Variants in RFX8 observed in about 807,000 individuals in gnomAD.
RFX8 encodes the protein DNA-binding protein RFX8.
In RFX8, 46 loss-of-function variants were observed where a neutral mutation model predicts 54.6. The ratio of observed to expected loss-of-function variants is 0.84; its 90% CI spans 0.67 to 1.08. The LOEUF is 1.08. Among genes scored for constraint, RFX8 ranks in the 50% least tolerant of loss-of-function variants. The pLI is 0.00. For synonymous variants in RFX8, 192 were observed against 209.5 expected, an observed-to-expected ratio of 0.92 and a Z score of 0.72; for missense variants, 536 against 562.3, an observed-to-expected ratio of 0.95 and a Z score of 0.47.
At chr2:101,468,574 G>A (rs1278223669) in intron 1 of RFX8, among the ~76,000 whole-genome samples, 1 of 151,952 alleles carries the variant, frequency 6.6e-6, no homozygotes, top group Admixed American at 6.6e-5. Flanking sequence ...ACAGGCATGA[G>A]TCACCGTGCA....
chr2:101,458,560 G>T (rs896955068), intron 2 of RFX8, among the ~76,000 whole-genome samples: 9 of 152,166 alleles, frequency 5.9e-5, no homozygotes, highest in Non-Finnish European at 1.3e-4. Context: ...TGGCTTGTAG[G>T]GTTTCTCCCG....
intron 2 of RFX8, among the ~76,000 whole-genome samples, chr2:101,462,743 T>G (rs1284879941): frequency 1.3e-5 from 2 of 152,194 alleles, no homozygotes; most frequent in African/African-American, 4.8e-5. Context: ...TACCCAGGGT[T>G]ACAATCTAAG....
At chr2:101,450,766 C>T in intron 2 of RFX8, 2 of 694,966 alleles carry the variant, frequency 2.9e-6, no homozygotes, top group Non-Finnish European at 4.9e-6. Flanking sequence ...CTAATGAAGA[C>T]TTGGAGTTCT....
rs534409173 is a variant in RFX8, at chr2:101,466,471, C to A, written c.72+306G>T. On this transcript the variant is annotated intron_variant, in intron 2 of 11. Transcript: ENST00000428343. Reference sequence around the variant, plus strand: ...GCTCTCAGAGCTTGGCACTTCTATGCAGGGAATACCATGCCAGCAAACCTG... The same window carrying A: ...GCTCTCAGAGCTTGGCACTTCTATGAAGGGAATACCATGCCAGCAAACCTG... 2.0e-5 allele frequency among the ~76,000 whole-genome samples: 3 copies of A among 152,302 alleles called. No individual in the cohort carries two copies. In the East Asian group the frequency reaches 5.8e-4, roughly 29 times the overall value.
intron 2 of RFX8, among the ~76,000 whole-genome samples, chr2:101,463,058 C>A (rs1393170028): frequency 1.3e-5 from 2 of 152,312 alleles, no homozygotes; most frequent in Non-Finnish European, 2.9e-5. Flanking sequence ...TAATTATTAT[C>A]TGTCCGTCCA....
intron 2 of RFX8, among the ~76,000 whole-genome samples, chr2:101,443,358 T>C (rs62154324): frequency 0.014 from 2,196 of 152,286 alleles, 29 homozygotes; most frequent in Non-Finnish European, 0.025. Flanking sequence ...GTCTCCACCA[T>C]CGTATTTTGA....
At chr2:101,407,329 T>C (rs1244015721) in intron 9 of RFX8, among the ~76,000 whole-genome samples, 3 of 152,216 alleles carry the variant, frequency 2.0e-5, no homozygotes, top group Non-Finnish European at 4.4e-5. Flanking sequence ...AGATGGACTC[T>C]TGGGAGGAGC....
chr2:101,415,147 G>A lies in RFX8; in HGVS notation c.503-235C>T, dbSNP rs539100595. ...TAAGTAACCCCAGCATCTGACATGC[G>A]TGCTACTATGATCTGAATGTGTCCC... On this transcript the variant is annotated intron_variant, in intron 6 of 11. Coordinates refer to ENST00000428343, the MANE Select transcript of RFX8 (RefSeq NM_001145664.2). Among the ~76,000 whole-genome samples, 48 of 152,166 alleles carry A rather than the reference G, an allele frequency of 3.2e-4. No individual in the cohort carries two copies. The South Asian group carries it at 3.9e-3, about 13-fold the overall frequency.
intron 1 of RFX8, among the ~76,000 whole-genome samples, chr2:101,472,124 G>C (rs1183806952): frequency 6.6e-6 from 1 of 152,126 alleles, no homozygotes; most frequent in African/African-American, 2.4e-5. Flanking sequence ...TTTTGAGAGG[G>C]AGTTTCACTC....
intron 2 of RFX8, chr2:101,450,647 G>A (rs1351435701): frequency 2.0e-6 from 3 of 1,513,092 alleles, no homozygotes; most frequent in South Asian, 1.2e-5. Flanking sequence ...AGAAGAAAGA[G>A]CTTTTCTTGA....
At chr2:101,423,516 C>T (rs1686989444) in intron 2 of RFX8, among the ~76,000 whole-genome samples, 1 of 152,134 alleles carries the variant, frequency 6.6e-6, no homozygotes, top group South Asian at 2.1e-4. Context: ...AGAATTCCTC[C>T]AAGTTGAAAA....
chr2:101,458,317 A>T (rs993827187), intron 2 of RFX8, among the ~76,000 whole-genome samples: 14 of 152,212 alleles, frequency 9.2e-5, no homozygotes, highest in Non-Finnish European at 8.8e-5. Flanking sequence ...GATGGTCTTT[A>T]CAATTTGGCA....
intron 1 of RFX8, 148 bp from the exon 2 acceptor site, chr2:101,467,048 A>G: frequency 1.6e-6 from 1 of 618,460 alleles, no homozygotes; most frequent in Non-Finnish European, 2.9e-6. Context: ...GAAGGCTCAC[A>G]ACTGGCATCA....
At chr2:101,471,537 G>A (rs796639522) in intron 1 of RFX8, among the ~76,000 whole-genome samples, 34 of 152,302 alleles carry the variant, frequency 2.2e-4, no homozygotes, top group African/African-American at 7.5e-4. Context: ...TCTACAACCA[G>A]GGCTCAGCAT....
At chr2:101,424,524 C>T (rs936442308) in intron 2 of RFX8, among the ~76,000 whole-genome samples, 1 of 152,168 alleles carries the variant, frequency 6.6e-6, no homozygotes, top group African/African-American at 2.4e-5. Context: ...TGGGTATATA[C>T]CCAAAGGACT....
chr2:101,466,307 C>T (rs1190065282), intron 2 of RFX8, among the ~76,000 whole-genome samples: 2 of 79,228 alleles, frequency 2.5e-5, no homozygotes, highest in East Asian at 4.3e-4. Flanking sequence ...AATTCTATCT[C>T]GGAAAAAAAA....
At chr2:101,467,394 C>T (rs1689634218) in intron 1 of RFX8, among the ~76,000 whole-genome samples, 1 of 152,226 alleles carries the variant, frequency 6.6e-6, no homozygotes, top group African/African-American at 2.4e-5. Context: ...TCTCTGATCC[C>T]TGTTCCTCTG....
At chr2:101,466,253 G>A (rs1689566430) in intron 2 of RFX8, among the ~76,000 whole-genome samples, 1 of 149,690 alleles carries the variant, frequency 6.7e-6, no homozygotes, top group South Asian at 2.1e-4. Context: ...AGGTTGCAGT[G>A]AGCCAAGATC....
chr2:101,416,705 C>T (rs776989534), intron 6 of RFX8, among the ~76,000 whole-genome samples: 5 of 152,074 alleles, frequency 3.3e-5, no homozygotes, highest in African/African-American at 7.2e-5. Context: ...CAGGATGATC[C>T]GACAGGGCAT....
Sources: gnomAD v4.1 joint callset for allele counts (sites outside exome capture counted in the v4.1 genomes callset) on GRCh38, gnomAD v4.1.1 for gene constraint, MANE v1.5 for transcripts, NCBI Gene and HGNC (gene_info 2026-07-23, HGNC 2026-07-21) for gene names.